The following MYH10 variants were observed in gnomAD, a reference collection of about 807,000 sequenced individuals.
The protein encoded by MYH10 is myosin-10.
A neutral mutation model predicts 257.8 loss-of-function variants in MYH10; 55 were observed. The ratio of observed to expected loss-of-function variants is 0.21; its 90% CI spans 0.17 to 0.27. The LOEUF (loss-of-function observed/expected upper bound fraction) is 0.27. MYH10 is among the 10% of genes least tolerant of loss of function. The probability of loss-of-function intolerance (pLI) is 1.00; values close to 1 mark genes in which losing one functional copy is unlikely to be tolerated. For synonymous variants in MYH10, 854 were observed against 921.7 expected, an observed-to-expected ratio of 0.93 and a Z score of 1.33; for missense variants, 1,631 against 2,500.6, an observed-to-expected ratio of 0.65 and a Z score of 7.42.
chr17:8,626,578 AAAT>A (rs56176665), intron 1 of MYH10, among the ~76,000 whole-genome samples: 39,855 of 139,984 alleles, frequency 0.28, 6,769 homozygotes, highest in Admixed American at 0.37. Flanking sequence ...AAATAATAAT[AAAT>A]AATAATAATA....
chr17:8,480,767 C>A, intron 38 of MYH10: 1 of 559,314 alleles, frequency 1.8e-6, no homozygotes, highest in East Asian at 3.3e-5. Flanking sequence ...TGCTGGGTGG[C>A]CTCCCGCTGC....
Position 8,545,494 on chromosome 17 carries a change from G to A in MYH10, c.1385C>T (p.Ala462Val). The A allele has an allele frequency of 6.2e-7, 1 of 1,614,038 alleles. No homozygotes were observed. Among genetic ancestry groups the A allele is most frequent in the Non-Finnish European group, 8.5e-7 (1 of 1,180,008 alleles). The change falls in exon 13 of 43, where the codon GCA becomes GTA. Residue 462 changes from alanine (A) to valine (V), a missense_variant. Transcript: ENST00000360416. The surrounding 1 kb of genome is among the most constrained non-coding windows in gnomAD (Gnocchi z 4.7). Reference protein sequence around the residue: ...KALDRTKRQGASFIGILDIAG... With the variant: ...KALDRTKRQGVSFIGILDIAG... ...AATATCCAGGATTCCAATGAAAGATGCTCCCTGACGTTTGGTCCTATCCAG... is the reference window on the plus strand; with the variant it reads ...AATATCCAGGATTCCAATGAAAGATACTCCCTGACGTTTGGTCCTATCCAG...
chr17:8,513,684 A>G lies in MYH10; in HGVS notation c.2614-15T>C. The G allele has an allele frequency of 6.3e-7, 1 of 1,582,106 alleles. No individual in the cohort carries two copies. Among genetic ancestry groups the G allele is most frequent in the Non-Finnish European group, 8.5e-7 (1 of 1,170,664 alleles). On this transcript the variant is annotated splice_polypyrimidine_tract_variant and intron_variant, in intron 22 of 42. Coordinates refer to ENST00000360416, the MANE Select transcript of MYH10 (RefSeq NM_001256012.3). ...AGCGGCTTCACCTATGACAAAATTAAGCAGTTTTTTTTTTTTTATCATTCC... is the reference window on the plus strand; with the variant it reads ...AGCGGCTTCACCTATGACAAAATTAGGCAGTTTTTTTTTTTTTATCATTCC...
intron 4 of MYH10, among the ~76,000 whole-genome samples, chr17:8,580,399 A>ATT (rs574430985): frequency 5.7e-5 from 8 of 141,064 alleles, no homozygotes; most frequent in African/African-American, 2.1e-4. Flanking sequence ...TATTCATCTT[A>ATT]TTTTTTTTTT....
intron 2 of MYH10, among the ~76,000 whole-genome samples, chr17:8,610,270 G>GAAAAAAAAAAAA (rs1567977649): frequency 2.5e-4 from 2 of 8,022 alleles, no homozygotes; most frequent in East Asian, 8.3e-3. Context: ...CCATAGGATT[G>GAAAAAAAAAAAA]CAAAAAAAAA....
intron 1 of MYH10, among the ~76,000 whole-genome samples, chr17:8,624,789 C>T (rs2085607445): frequency 1.3e-5 from 2 of 152,170 alleles, no homozygotes; most frequent in African/African-American, 4.8e-5. Context: ...CACAATGGCC[C>T]ATAACTGTTA....
At position 8,612,824 on chromosome 17, in the gene MYH10, T is replaced by G. The variant is rs544116397; in HGVS notation, c.346-7842A>C. 2.6e-5 allele frequency among the ~76,000 whole-genome samples: 4 copies of G among 151,170 alleles called. No homozygotes were observed. The South Asian group carries it at 8.4e-4, about 32-fold the overall frequency. On this transcript the variant is annotated intron_variant, in intron 2 of 42. Transcript: ENST00000360416. ...GAGATTGCACCGTTGCACTCCAGCC[T>G]GGGCTACAGAGGGAGACTCTGTTCT...
intron 3 of MYH10, among the ~76,000 whole-genome samples, chr17:8,597,453 A>G (rs2084421516): frequency 6.6e-6 from 1 of 151,910 alleles, no homozygotes; most frequent in African/African-American, 2.4e-5. Flanking sequence ...ATTCCTAAAG[A>G]GGGAATCCAG....
intron 14 of MYH10, among the ~76,000 whole-genome samples, chr17:8,536,898 G>C (rs2082157617): frequency 6.6e-6 from 1 of 152,174 alleles, no homozygotes; most frequent in Non-Finnish European, 1.5e-5. Context: ...CCACTAATGG[G>C]TATGAGGTTT....
At chr17:8,511,949 A>G (rs2081311018) in intron 24 of MYH10, among the ~76,000 whole-genome samples, 1 of 152,220 alleles carries the variant, frequency 6.6e-6, no homozygotes, top group African/African-American at 2.4e-5. Flanking sequence ...CAATCCAAAA[A>G]TTGTGCCTCA....
intron 30 of MYH10, among the ~76,000 whole-genome samples, chr17:8,498,219 C>A (rs1167871604): frequency 6.6e-6 from 1 of 151,732 alleles, no homozygotes; most frequent in Non-Finnish European, 1.5e-5. Flanking sequence ...CTCCTGACCT[C>A]AGGTGATCCG....
intron 35 of MYH10, 24 bp from the exon 36 acceptor site, chr17:8,487,618 C>G (rs1915080279): frequency 6.2e-7 from 1 of 1,613,680 alleles, no homozygotes; most frequent in Non-Finnish European, 8.5e-7. Flanking sequence ...TCGGGTTATG[C>G]TGGGTTACAT....
chr17:8,582,449 A>G (rs747016622), intron 4 of MYH10, among the ~76,000 whole-genome samples: 1 of 152,218 alleles, frequency 6.6e-6, no homozygotes, highest in African/African-American at 2.4e-5. Flanking sequence ...CTGCTGGTCT[A>G]AGACAGGACT....
intron 4 of MYH10, among the ~76,000 whole-genome samples, chr17:8,584,454 G>T (rs905551600): frequency 1.3e-5 from 2 of 152,164 alleles, no homozygotes; most frequent in African/African-American, 4.8e-5. Context: ...GTTTTTAAAG[G>T]AAAGAGGGTA....
intron 30 of MYH10, among the ~76,000 whole-genome samples, chr17:8,496,714 G>A (rs1031920230): frequency 6.6e-6 from 1 of 152,186 alleles, no homozygotes; most frequent in African/African-American, 2.4e-5. Flanking sequence ...GTACCTACAC[G>A]TTAACACAGC....
intron 30 of MYH10, among the ~76,000 whole-genome samples, chr17:8,495,788 C>A (rs1916496400): frequency 6.6e-6 from 1 of 151,900 alleles, no homozygotes; most frequent in Non-Finnish European, 1.5e-5. Flanking sequence ...GGGCTCACTG[C>A]AACCTTTGCC....
At chr17:8,511,033 T>TACAC (rs1323978785) in intron 24 of MYH10, 33 of 12,088 alleles carry the variant, frequency 2.7e-3, no homozygotes, top group Middle Eastern at 0.036. Context: ...TATATATATA[T>TACAC]ATATATATAT....
chr17:8,588,945 G>A, intron 4 of MYH10, 136 bp downstream of exon 4: 2 of 812,484 alleles, frequency 2.5e-6, no homozygotes, highest in Non-Finnish European at 4.1e-6. Flanking sequence ...CATAATCTTA[G>A]TCTTAAAATA....
At chr17:8,550,112 C>G (rs1322431990) in intron 9 of MYH10, among the ~76,000 whole-genome samples, 1 of 150,660 alleles carries the variant, frequency 6.6e-6, no homozygotes, top group African/African-American at 2.5e-5. Flanking sequence ...GCCGCCACCC[C>G]GTCTGGGAAG....
Sources: gnomAD v4.1 joint callset for allele counts (sites outside exome capture counted in the v4.1 genomes callset) on GRCh38, gnomAD v4.1.1 for gene constraint, Gnocchi (gnomAD v3.1) non-coding constraint, MANE v1.5 for transcripts, NCBI Gene and HGNC (gene_info 2026-07-23, HGNC 2026-07-21) for gene names.